The following GPHN variants were observed in gnomAD, a reference collection of about 807,000 sequenced individuals.
The protein encoded by GPHN is gephyrin.
Under a neutral mutation model 95.5 loss-of-function variants are expected in GPHN, and 17 were observed. That is an observed-to-expected ratio of 0.18 (90% CI 0.12 to 0.27). The LOEUF is 0.27. Ranked by LOEUF, GPHN falls within the 10% of genes least tolerant of loss-of-function variation. The pLI is 1.00. For synonymous variants in GPHN, 320 were observed against 322.5 expected (o/e 0.99, Z 0.08); for missense variants, 660 against 978.1 (o/e 0.67, Z 4.34).
intron 1 of GPHN, among the ~76,000 whole-genome samples, chr14:66,574,872 C>T (rs949008935): frequency 2.0e-5 from 3 of 152,196 alleles, no homozygotes; most frequent in African/African-American, 7.2e-5. Flanking sequence ...GGCCTTTGTA[C>T]TTCAAGAGTT....
chr14:66,696,615 C>G (rs2068114433), intron 2 of GPHN, among the ~76,000 whole-genome samples: 1 of 152,238 alleles, frequency 6.6e-6, no homozygotes, highest in Non-Finnish European at 1.5e-5. Flanking sequence ...CCACCCTACT[C>G]CTGCCAAACA....
chr14:67,238,125 G>T, the GPHN span, among the ~76,000 whole-genome samples: 1 of 151,850 alleles, frequency 6.6e-6, no homozygotes, highest in Non-Finnish European at 1.5e-5. Flanking sequence ...CATGCCTCCA[G>T]TTTCTATACC....
At chr14:67,194,030 G>A in the GPHN span, among the ~76,000 whole-genome samples, 2 of 148,418 alleles carry the variant, frequency 1.3e-5, no homozygotes, top group Non-Finnish European at 3.0e-5. Flanking sequence ...AAACTGGAAA[G>A]ACATATACCA....
At chr14:66,635,339 T>C (rs2064039617) in intron 1 of GPHN, among the ~76,000 whole-genome samples, 1 of 152,118 alleles carries the variant, frequency 6.6e-6, no homozygotes, top group African/African-American at 2.4e-5. Context: ...GATGAGATAA[T>C]GTTGTGGCCC....
chr14:67,204,766 A>C, the GPHN span: 37,427 of 1,613,990 alleles, frequency 0.023, 595 homozygotes, highest in Middle Eastern at 0.033. Flanking sequence ...TACGAATAGC[A>C]CAGACATCAC....
chr14:67,690,197 T>C, the GPHN span: 2 of 1,609,794 alleles, frequency 1.2e-6, no homozygotes, highest in Non-Finnish European at 1.7e-6. Flanking sequence ...CCACATTCAT[T>C]TCCTCTAGGC....
downstream of GPHN, among the ~76,000 whole-genome samples, chr14:67,181,964 G>A (rs138384437): frequency 2.5e-4 from 38 of 152,236 alleles, no homozygotes; most frequent in East Asian, 5.6e-3. Flanking sequence ...GGAAAAATGT[G>A]ATCATAGCAT....
chr14:67,574,611 T>G, the GPHN span, among the ~76,000 whole-genome samples: 1 of 152,176 alleles, frequency 6.6e-6, no homozygotes, highest in African/African-American at 2.4e-5. The surrounding 1 kb of genome is among the most constrained non-coding windows in gnomAD (Gnocchi z 4.2). Flanking sequence ...TCAGGGTTGT[T>G]GGAACAACTA....
At chr14:66,907,514 A>G (rs139441648) in intron 5 of GPHN, among the ~76,000 whole-genome samples, 25 of 152,306 alleles carry the variant, frequency 1.6e-4, no homozygotes, top group Admixed American at 4.6e-4. Context: ...ACATGACATT[A>G]TACATTTGTC....
At chr14:66,609,665 T>C (rs749122661) in intron 1 of GPHN, among the ~76,000 whole-genome samples, 31 of 152,168 alleles carry the variant, frequency 2.0e-4, no homozygotes, top group Non-Finnish European at 4.3e-4. Flanking sequence ...CTAAGTTGAA[T>C]TGAAAGAACT....
chr14:67,662,682 G>C, the GPHN span: 2 of 742,086 alleles, frequency 2.7e-6, no homozygotes, highest in South Asian at 4.0e-5. Flanking sequence ...AAGGCAGGTG[G>C]ATCACAAGGT....
the GPHN span, chr14:67,651,744 C>T: frequency 3.4e-6 from 1 of 294,134 alleles, no homozygotes; most frequent in Admixed American, 4.8e-5. Context: ...GTAGTTACTT[C>T]CTTTAAAAAT....
chr14:67,039,405 A>G (rs1020042995), intron 10 of GPHN, among the ~76,000 whole-genome samples: 2 of 152,202 alleles, frequency 1.3e-5, no homozygotes, highest in Admixed American at 1.3e-4. Context: ...AAACATAAGC[A>G]TACACATAGT....
the GPHN span, chr14:67,312,508 TGCCC>T: frequency 6.7e-7 from 1 of 1,501,600 alleles, no homozygotes; most frequent in Admixed American, 2.0e-5. Context: ...TTGTTGTTTT[TGCCC>T]TTTTTATCTT....
intron 5 of GPHN, among the ~76,000 whole-genome samples, chr14:66,895,515 A>T (rs1167106760): frequency 6.6e-6 from 1 of 152,210 alleles, no homozygotes; most frequent in African/African-American, 2.4e-5. Context: ...AATTTTAAAA[A>T]ATATGTTTAT....
At chr14:67,489,797 T>C in the GPHN span, among the ~76,000 whole-genome samples, 1 of 152,192 alleles carries the variant, frequency 6.6e-6, no homozygotes, top group Non-Finnish European at 1.5e-5. Context: ...GAGACCATCC[T>C]GGCTAACATG....
chr14:67,292,456 T>A, the GPHN span: 1 of 1,198,064 alleles, frequency 8.3e-7, no homozygotes, highest in Non-Finnish European at 1.2e-6. Context: ...TGAAAATGCA[T>A]GTTGAATTAA....
intron 3 of GPHN, among the ~76,000 whole-genome samples, chr14:66,812,271 G>A (rs1164284719): frequency 6.6e-6 from 1 of 152,134 alleles, no homozygotes; most frequent in African/African-American, 2.4e-5. Flanking sequence ...CCTCTGCATA[G>A]CAGAGTTTGC....
the GPHN span, chr14:67,674,587 GACCGCCGCACC>G: frequency 5.9e-6 from 6 of 1,009,348 alleles, no homozygotes; most frequent in African/African-American, 1.7e-5. Context: ...CCATAACGGC[GACCGCCGCACC>G]ACCGCCGCCC....
Sources: allele counts gnomAD v4.1 joint callset (sites outside exome capture counted in the v4.1 genomes callset), GRCh38; gene constraint gnomAD v4.1.1; non-coding constraint Gnocchi (gnomAD v3.1); transcripts MANE v1.5; gene names NCBI Gene and HGNC (gene_info 2026-07-23, HGNC 2026-07-21).